PATJ: variants seen among roughly 807,000 people sequenced by gnomAD.
PATJ encodes the protein inaD-like protein.
PATJ carries 190 observed loss-of-function variants against 224.9 expected under a neutral mutation model. That is an observed-to-expected ratio of 0.84 (90% CI 0.75 to 0.95). PATJ has a LOEUF of 0.95. Ranked by LOEUF, PATJ falls within the 40% of genes least tolerant of loss-of-function variation. The probability of loss-of-function intolerance (pLI) is 0.00; values close to 1 mark genes in which losing one functional copy is unlikely to be tolerated. For missense variants in PATJ, 2,121 were observed against 2,270.3 expected (o/e 0.93, Z 1.34); for synonymous variants, 769 against 820.3 (o/e 0.94, Z 1.07).
intron 41 of PATJ, among the ~76,000 whole-genome samples, chr1:62,141,403 G>A (rs545986152): frequency 7.5e-4 from 114 of 152,270 alleles, no homozygotes; most frequent in African/African-American, 2.6e-3. Context: ...AGCCGGGCGC[G>A]TTGGCTCATG....
At chr1:61,942,040 A>G (rs1054173226) in intron 27 of PATJ, among the ~76,000 whole-genome samples, 6 of 152,204 alleles carry the variant, frequency 3.9e-5, no homozygotes, top group African/African-American at 7.2e-5. Flanking sequence ...GGTGCCATGA[A>G]TGATGTATCT....
intron 28 of PATJ, among the ~76,000 whole-genome samples, chr1:62,015,191 C>A (rs1441129877): frequency 6.6e-6 from 1 of 151,686 alleles, no homozygotes; most frequent in East Asian, 2.0e-4. Context: ...GTAATCCCAG[C>A]AACTCGGGAG....
At chr1:61,813,094 A>G (rs1482730179) in intron 14 of PATJ, among the ~76,000 whole-genome samples, 6 of 151,736 alleles carry the variant, frequency 4.0e-5, no homozygotes, top group Non-Finnish European at 7.4e-5. Context: ...TCCATTCATC[A>G]CGTGGTTCAG....
intron 8 of PATJ, among the ~76,000 whole-genome samples, chr1:61,790,238 A>C (rs1649514385): frequency 1.3e-5 from 2 of 151,522 alleles, no homozygotes; most frequent in Non-Finnish European, 2.9e-5. Context: ...GAAGAAGAAA[A>C]TAAAATAAGT....
chr1:62,011,605 G>C (rs1646454408), intron 28 of PATJ, among the ~76,000 whole-genome samples: 1 of 151,750 alleles, frequency 6.6e-6, no homozygotes, highest in South Asian at 2.1e-4. Flanking sequence ...GTAAAAGTTT[G>C]AAATATTGAG....
chr1:61,841,994 T>A (rs1402967819), intron 17 of PATJ, among the ~76,000 whole-genome samples: 1 of 152,194 alleles, frequency 6.6e-6, no homozygotes, highest in Non-Finnish European at 1.5e-5. Context: ...GGTGTGCTCA[T>A]GGAGTGGATT....
intron 26 of PATJ, 43 bp downstream of exon 26, chr1:61,914,707 GT>G: frequency 8.0e-7 from 1 of 1,245,106 alleles, no homozygotes; most frequent in Non-Finnish European, 1.2e-6. Flanking sequence ...TTTTTGTTTT[GT>G]TTTTGTTTTT....
chr1:62,111,818 GCT>G (rs1292980825), intron 34 of PATJ, among the ~76,000 whole-genome samples: 1 of 151,952 alleles, frequency 6.6e-6, no homozygotes, highest in Non-Finnish European at 1.5e-5. Flanking sequence ...CTGCCACCAG[GCT>G]TGGCTAATTT....
At chr1:62,125,236 C>CAAAAAAAAAAAACAAAACAAAAA (rs1665550296) in intron 39 of PATJ, among the ~76,000 whole-genome samples, 1 of 27,736 alleles carries the variant, frequency 3.6e-5, no homozygotes, top group Non-Finnish European at 6.8e-5. Context: ...AACCCTGTCT[C>CAAAAAAAAAAAACAAAACAAAAA]AAAAAAAAAA....
At chr1:61,887,477 T>C (rs1669051136) in intron 22 of PATJ, among the ~76,000 whole-genome samples, 1 of 152,174 alleles carries the variant, frequency 6.6e-6, no homozygotes, top group African/African-American at 2.4e-5. Context: ...AGATTAGCTT[T>C]TGAAAGAGTG....
chr1:61,881,367 G>A (rs900821809), intron 21 of PATJ, among the ~76,000 whole-genome samples: 3 of 149,196 alleles, frequency 2.0e-5, no homozygotes, highest in Non-Finnish European at 4.5e-5. Context: ...GGCCTATGGG[G>A]GCAGCTTCCC....
At chr1:61,763,394 T>G (rs187399444) in intron 3 of PATJ, among the ~76,000 whole-genome samples, 102 of 152,184 alleles carry the variant, frequency 6.7e-4, no homozygotes, top group Admixed American at 4.7e-3. Flanking sequence ...TAACTGGATG[T>G]GGTGGCATGT....
chr1:61,855,488 C>G (rs1370035177), intron 17 of PATJ, among the ~76,000 whole-genome samples: 2 of 152,182 alleles, frequency 1.3e-5, no homozygotes, highest in African/African-American at 2.4e-5. Flanking sequence ...GCAGCCTTGA[C>G]TTCCTGGGCT....
chr1:61,945,933 C>A (rs1172613531), intron 27 of PATJ, among the ~76,000 whole-genome samples: 2 of 152,172 alleles, frequency 1.3e-5, no homozygotes, highest in African/African-American at 4.8e-5. Context: ...CGCTCAACTG[C>A]ATGGAAATTG....
At chr1:62,013,144 C>T (rs1394032866) in intron 28 of PATJ, among the ~76,000 whole-genome samples, 4 of 152,208 alleles carry the variant, frequency 2.6e-5, no homozygotes, top group Non-Finnish European at 5.9e-5. Context: ...TTTCCTCTTA[C>T]GTAAATTAAA....
chr1:61,795,099 TAAAAAAA>T (rs78496504), intron 9 of PATJ, among the ~76,000 whole-genome samples: 27 of 101,196 alleles, frequency 2.7e-4, no homozygotes, highest in East Asian at 8.6e-4. Context: ...ATAGTGATGG[TAAAAAAA>T]AAAAAAAAAA....
intron 11 of PATJ, among the ~76,000 whole-genome samples, chr1:61,800,852 T>C (rs1433185987): frequency 6.6e-6 from 1 of 152,182 alleles, no homozygotes. Flanking sequence ...GTCCTTGTGA[T>C]AGTTTGCTCA....
chr1:61,823,245 A>G (rs939157212), intron 15 of PATJ, among the ~76,000 whole-genome samples, 166 bp downstream of exon 15: 1 of 152,242 alleles, frequency 6.6e-6, no homozygotes, highest in Non-Finnish European at 1.5e-5. Flanking sequence ...GGAAGTAGCT[A>G]TGCTTTCAGT....
intron 15 of PATJ, among the ~76,000 whole-genome samples, chr1:61,825,458 AG>A (rs1353440701): frequency 3.9e-5 from 6 of 152,160 alleles, no homozygotes; most frequent in Non-Finnish European, 8.8e-5. Flanking sequence ...AAAATTTAAA[AG>A]TCTCAGTACA....
Sources: gnomAD v4.1 joint callset for allele counts (sites outside exome capture counted in the v4.1 genomes callset) on GRCh38, gnomAD v4.1.1 for gene constraint, MANE v1.5 for transcripts, NCBI Gene and HGNC (gene_info 2026-07-23, HGNC 2026-07-21) for gene names.